HTR4: variants seen among roughly 807,000 people sequenced by gnomAD.
HTR4 encodes 5-hydroxytryptamine (serotonin) receptor 4, G protein-coupled.
A neutral mutation model predicts 36.8 loss-of-function variants in HTR4; 16 were observed. The ratio of observed to expected loss-of-function variants is 0.43; its 90% CI spans 0.29 to 0.66. The LOEUF (loss-of-function observed/expected upper bound fraction) is 0.66, where lower values mean the gene tolerates loss of function less well. HTR4 is among the 30% of genes least tolerant of loss of function. HTR4 has a pLI of 0.13. For synonymous variants in HTR4, 189 were observed against 185.1 expected (o/e 1.02, Z -0.17); for missense variants, 438 against 490.9 (o/e 0.89, Z 1.02).
Position 148,566,901 on chromosome 5 carries a change from T to C in HTR4, c.27-16639A>G, listed in dbSNP as rs976690358. ...ATTTGAATTATTTCTTCATTTTTTT[T>C]TTTACTTTTTCCCAGTATTTCCCAT... On this transcript the variant is annotated intron_variant, in intron 2 of 6. Coordinates refer to ENST00000377888, the MANE Select transcript of HTR4 (RefSeq NM_000870.7). Among the ~76,000 whole-genome samples, 2 of 152,108 alleles carry C rather than the reference T, an allele frequency of 1.3e-5. 1 individual carries two copies. The highest frequency in any genetic ancestry group is 4.1e-4 in the South Asian group (2 of 4,830).
intron 4 of HTR4, among the ~76,000 whole-genome samples, chr5:148,537,893 C>A (rs763082194): frequency 1.3e-5 from 2 of 152,128 alleles, no homozygotes; most frequent in Non-Finnish European, 2.9e-5. Flanking sequence ...ATGAGACCAG[C>A]ATCGTCTTGA....
At chr5:148,508,185 C>T (rs1435906765) in intron 6 of HTR4, among the ~76,000 whole-genome samples, 2 of 152,050 alleles carry the variant, frequency 1.3e-5, no homozygotes, top group East Asian at 1.9e-4. Flanking sequence ...AATTTTCAGC[C>T]GCCAGAACAG....
At chr5:148,627,869 T>G (rs1319437772) in intron 2 of HTR4, among the ~76,000 whole-genome samples, 1 of 152,194 alleles carries the variant, frequency 6.6e-6, no homozygotes, top group Non-Finnish European at 1.5e-5. Context: ...AGTCATAATA[T>G]GGTTCTACAA....
chr5:148,603,368 A>G lies in HTR4; in HGVS notation c.26+33621T>C, dbSNP rs183425778. Among the ~76,000 whole-genome samples the G allele has an allele frequency of 5.9e-5, 9 of 152,214 alleles. No individual in the cohort carries two copies. The East Asian group carries it at 1.7e-3, about 29-fold the overall frequency. ...AGAAAAAACTCAGCAAACTAAGGAT[A>G]GAGGGAAATTTTTGTAATCCCAAAG... On this transcript the variant is annotated intron_variant, in intron 2 of 6. Coordinates refer to ENST00000377888, the MANE Select transcript of HTR4 (RefSeq NM_000870.7).
intron 2 of HTR4, among the ~76,000 whole-genome samples, chr5:148,606,380 G>A (rs868841644): frequency 6.6e-6 from 1 of 152,160 alleles, no homozygotes; most frequent in Middle Eastern, 3.2e-3. Flanking sequence ...CACTTGGAAT[G>A]TCAATGTGAG....
chr5:148,515,876 A>G (rs538177382), intron 5 of HTR4, among the ~76,000 whole-genome samples: 63 of 151,890 alleles, frequency 4.1e-4, no homozygotes, highest in Non-Finnish European at 7.1e-4. Context: ...GAAAATTCTT[A>G]GGCACTATTT....
intron 2 of HTR4, among the ~76,000 whole-genome samples, chr5:148,564,776 C>A (rs1464355123): frequency 6.6e-6 from 1 of 152,138 alleles, no homozygotes; most frequent in South Asian, 2.1e-4. Flanking sequence ...ACTTTTAAGT[C>A]TATTTTCTAG....
chr5:148,523,193 C>T lies in HTR4; in HGVS notation c.507G>A (p.Leu169=). 2 of 1,612,852 alleles carry T rather than the reference C, an allele frequency of 1.2e-6. No homozygotes were observed. The highest frequency in any genetic ancestry group is 2.2e-5 in the South Asian group (2 of 90,844). Residue 169 remains leucine (L), a splice_region_variant and synonymous_variant, in exon 5 of 7, where the codon TTG becomes TTA. Transcript: ENST00000377888. ...CAGTGAGGTCTGTGTGGATACTCAC[C>T]AAATCAATTATGCCAATGTTATTCC... The part of the protein sequence containing the change: ...QGWNNIGIID[L]IEKRKFNQNS...
chr5:148,641,377 T>C (rs1032096418), intron 1 of HTR4, among the ~76,000 whole-genome samples: 2 of 152,086 alleles, frequency 1.3e-5, no homozygotes, highest in African/African-American at 4.8e-5. Context: ...TGGACTAAGG[T>C]ACAAGAAATT....
Position 148,654,252 on chromosome 5 carries a change from G to T in HTR4, c.-238C>A, listed in dbSNP as rs1239697508. 1.0e-6 allele frequency: 1 copy of T among 985,090 alleles called. No individual in the cohort carries two copies. The highest frequency in any genetic ancestry group is 1.7e-5 in the African/African-American group (1 of 57,190). 61.0% of individuals were successfully genotyped at this position (985,090 alleles called of 1,614,324 possible). A position where few individuals can be genotyped will look rare whatever the true frequency, so the allele number is the denominator to read the frequency against. On this transcript the variant is annotated 5_prime_UTR_variant, in exon 1 of 7. Coordinates refer to ENST00000377888, the MANE Select transcript of HTR4 (RefSeq NM_000870.7). ...CCGGCGAGCGTGAGGCGCGGGCCAGGGGCTGCGGGCGCAGGACCCCAGCCC... is the reference window on the plus strand; with the variant it reads ...CCGGCGAGCGTGAGGCGCGGGCCAGTGGCTGCGGGCGCAGGACCCCAGCCC...
At chr5:148,621,448 CTA>C (rs1472152595) in intron 2 of HTR4, among the ~76,000 whole-genome samples, 5 of 152,182 alleles carry the variant, frequency 3.3e-5, no homozygotes, top group Admixed American at 6.5e-5. Flanking sequence ...AATCTACCAC[CTA>C]GCACACCTAG....
intron 2 of HTR4, among the ~76,000 whole-genome samples, chr5:148,615,424 A>C (rs912042811): frequency 6.7e-6 from 1 of 148,232 alleles, no homozygotes; most frequent in African/African-American, 2.5e-5. Context: ...GTAAACTATC[A>C]CAAGAACAAA....
Position 148,536,693 on chromosome 5 carries a change from C to T in HTR4, c.353+11975G>A, listed in dbSNP as rs181444477. Among the ~76,000 whole-genome samples, 13 of 152,190 alleles carry T rather than the reference C, an allele frequency of 8.5e-5. No individual in the cohort carries two copies. In the East Asian group the frequency reaches 2.1e-3, roughly 25 times the overall value. On this transcript the variant is annotated intron_variant, in intron 4 of 6. Coordinates refer to ENST00000377888, the MANE Select transcript of HTR4 (RefSeq NM_000870.7). ...GTTCAATTCAACAAGACCTAGCTAT[C>T]CTAAATATATATGCACTCAACACAG...
At chr5:148,504,839 A>T (rs977322163) in intron 6 of HTR4, among the ~76,000 whole-genome samples, 1 of 152,228 alleles carries the variant, frequency 6.6e-6, no homozygotes, top group African/African-American at 2.4e-5. Flanking sequence ...AGAAATACAA[A>T]CTACCATCAG....
chr5:148,628,257 T>C (rs780004882), intron 2 of HTR4, among the ~76,000 whole-genome samples: 3 of 152,140 alleles, frequency 2.0e-5, no homozygotes, highest in Non-Finnish European at 4.4e-5. Context: ...TCACAAAAAT[T>C]TGGGTGAAAA....
chr5:148,514,759 T>C (rs1757657776), intron 5 of HTR4, among the ~76,000 whole-genome samples: 1 of 152,212 alleles, frequency 6.6e-6, no homozygotes, highest in South Asian at 2.1e-4. Flanking sequence ...CTTGAATTGA[T>C]ATTTTTATCA....
At chr5:148,548,000 G>T (rs1759476059) in intron 4 of HTR4, among the ~76,000 whole-genome samples, 1 of 152,160 alleles carries the variant, frequency 6.6e-6, no homozygotes, top group African/African-American at 2.4e-5. Context: ...ATTGGAAAAT[G>T]AATAGTGATG....
intron 2 of HTR4, among the ~76,000 whole-genome samples, chr5:148,571,305 G>A (rs1760668311): frequency 6.6e-6 from 1 of 152,052 alleles, no homozygotes; most frequent in African/African-American, 2.4e-5. Flanking sequence ...CAACATGTCT[G>A]CGTTAGACTT....
intron 1 of HTR4, among the ~76,000 whole-genome samples, chr5:148,639,617 G>GTATATATATATATATATATATATA (rs370514542): frequency 1.3e-4 from 14 of 111,852 alleles, no homozygotes; most frequent in African/African-American, 3.7e-4. Flanking sequence ...TTTCTTCCCA[G>GTATATATATATATATATATATATA]TATATATATA....
Sources: gnomAD v4.1 joint callset for allele counts (sites outside exome capture counted in the v4.1 genomes callset) on GRCh38, gnomAD v4.1.1 for gene constraint, MANE v1.5 for transcripts, NCBI Gene and HGNC (gene_info 2026-07-23, HGNC 2026-07-21) for gene names.